The following TMCC2 variants were observed in gnomAD, a reference collection of about 807,000 sequenced individuals.
TMCC2 encodes the protein transmembrane and coiled-coil domains protein 2.
A neutral mutation model predicts 49.4 loss-of-function variants in TMCC2; 16 were observed. The observed-to-expected ratio is 0.32, with a 90% CI of 0.22 to 0.49. The LOEUF (loss-of-function observed/expected upper bound fraction) is 0.49, where lower values mean the gene tolerates loss of function less well. Ranked by LOEUF, TMCC2 falls within the 20% of genes least tolerant of loss-of-function variation. The pLI, the probability that TMCC2 is intolerant of heterozygous loss-of-function variation, is 0.99. For synonymous variants in TMCC2, 397 were observed against 434.1 expected (o/e 0.91, Z 1.06); for missense variants, 762 against 989.8 (o/e 0.77, Z 3.09).
At chr1:205,234,055 T>TA (rs1309339440) in intron 1 of TMCC2, 1 of 152,078 alleles carries the variant, frequency 6.6e-6, no homozygotes, top group Non-Finnish European at 1.5e-5. Context: ...GCCCAGTAGA[T>TA]ATGTTAAGGC....
At chr1:205,255,415 C>T (rs558369392) in intron 2 of TMCC2, among the ~76,000 whole-genome samples, 7 of 152,074 alleles carry the variant, frequency 4.6e-5, no homozygotes, top group Admixed American at 1.3e-4. Context: ...ATTAGCTGGG[C>T]GTGGTGGTGC....
chr1:205,241,911 G>A lies in TMCC2; in HGVS notation c.614G>A (p.Ser205Asn). 1 of 1,609,960 alleles carries A rather than the reference G, an allele frequency of 6.2e-7. No homozygotes were observed. Among genetic ancestry groups the A allele is most frequent in the Non-Finnish European group, 8.5e-7 (1 of 1,179,380 alleles). ...PHLLRKAPQD[S>N]SLAAILHQHQ... is the part of the protein sequence containing the mutation. ...CTGCTGCGCAAGGCCCCCCAGGACA[G>A]CAGCCTGGCCGCCATCCTGCACCAG... The change falls in exon 2 of 5, where the codon AGC becomes AAC. Residue 205 changes from serine to asparagine, a missense_variant. Ser to Asn is a conservative substitution (Grantham distance 46). This residue lies in a region of TMCC2 where 322 missense variants were observed against 353.1 expected (regional missense o/e 0.91). Transcript: ENST00000358024. The surrounding 1 kb of genome is among the most constrained non-coding windows in gnomAD (Gnocchi z 7.3).
chr1:205,269,615 C>T lies in TMCC2; in HGVS notation c.1413C>T (p.Pro471=). The change falls in exon 3 of 5, where the codon CCC becomes CCT. Residue 471 remains proline, a synonymous_variant. Coordinates refer to ENST00000358024, the MANE Select transcript of TMCC2 (RefSeq NM_014858.4). ...GCAGTGCCACACTCGTCTCCAGCCCCAAGTATGGCAGCGATGATGAGTGCT... is the reference window on the plus strand; with the variant it reads ...GCAGTGCCACACTCGTCTCCAGCCCTAAGTATGGCAGCGATGATGAGTGCT... ...LSGSATLVSS[P]KYGSDDECSS... 1 of 1,613,836 alleles carries T rather than the reference C, an allele frequency of 6.2e-7. No homozygotes were observed. Among genetic ancestry groups the T allele is most frequent in the Non-Finnish European group, 8.5e-7 (1 of 1,179,968 alleles).
In TMCC2 at chr1:205,268,132, G is replaced by C. The variant is rs533756800; in HGVS notation, c.748-818G>C. The C allele has an allele frequency of 5.2e-6, 5 of 959,000 alleles. No homozygotes were observed. The South Asian group carries it at 1.4e-4, about 28-fold the overall frequency. The allele number at this position is 959,000 out of a possible 1,614,324, so 59.4% of individuals were successfully genotyped here. A position where few individuals can be genotyped will look rare whatever the true frequency, so the allele number is the denominator to read the frequency against. On this transcript the variant is annotated intron_variant, in intron 2 of 4. Coordinates refer to ENST00000358024, the MANE Select transcript of TMCC2 (RefSeq NM_014858.4). ...TGAGCTGCGTTGTTAGTGAACATGGGGTGGCGAGGGCAGGCAGGCAGGGCA... is the reference window on the plus strand; with the variant it reads ...TGAGCTGCGTTGTTAGTGAACATGGCGTGGCGAGGGCAGGCAGGCAGGGCA...
At chr1:205,246,764 A>G in intron 2 of TMCC2, 1 of 1,462,500 alleles carries the variant, frequency 6.8e-7, no homozygotes. Context: ...GTATGCAGCT[A>G]TTTTATGAGG....
At chr1:205,271,295 G>C in intron 4 of TMCC2, 40 bp downstream of exon 4, 1 of 1,613,672 alleles carries the variant, frequency 6.2e-7, no homozygotes, top group Non-Finnish European at 8.5e-7. Context: ...AGATGTGCTG[G>C]TAGAGCTGGC....
intron 3 of TMCC2, among the ~76,000 whole-genome samples, chr1:205,270,837 TCTC>T (rs1391198913): frequency 5.3e-5 from 8 of 152,148 alleles, no homozygotes; most frequent in African/African-American, 1.4e-4. Flanking sequence ...GCCTCAGTCT[TCTC>T]CTCTGTAAAA....
chr1:205,255,671 C>T (rs111515505), intron 2 of TMCC2, among the ~76,000 whole-genome samples: 1 of 152,194 alleles, frequency 6.6e-6, no homozygotes, highest in South Asian at 2.1e-4. Context: ...TGAGGTAGAT[C>T]ATTTCATTGT....
In TMCC2 at chr1:205,228,586, G is replaced by A; in HGVS notation, c.22G>A (p.Glu8Lys). 6 of 1,611,050 alleles carry A rather than the reference G, an allele frequency of 3.7e-6. No homozygotes were observed. The highest frequency in any genetic ancestry group is 5.1e-6 in the Non-Finnish European group (6 of 1,178,098). The change falls in exon 1 of 5, where the codon GAG becomes AAG. Residue 8 changes from glutamate (E) to lysine (K), a missense_variant. Transcript: ENST00000358024. ...CACCATGAAGAGGTGCAGATCGGACGAGCTGCAGCAACAACAGGGCGAGGA... is the reference window on the plus strand; with the variant it reads ...CACCATGAAGAGGTGCAGATCGGACAAGCTGCAGCAACAACAGGGCGAGGA... MKRCRSDELQQQQGEEDG... is the reference protein window; with the variant it reads MKRCRSDKLQQQQGEEDG...
intron 3 of TMCC2, among the ~76,000 whole-genome samples, chr1:205,270,110 G>T (rs549182687): frequency 6.6e-6 from 1 of 152,092 alleles, no homozygotes; most frequent in Non-Finnish European, 1.5e-5. Context: ...GCAGTGGCAC[G>T]ATCTCAGCTC....
rs533752611 is a variant in TMCC2 at position 205,243,678 on chromosome 1, G to T, written c.747+1634G>T. Among the ~76,000 whole-genome samples, 8 of 152,328 alleles carry T rather than the reference G, an allele frequency of 5.3e-5. No homozygotes were observed. In the South Asian group the frequency reaches 1.7e-3, roughly 32 times the overall value. On this transcript the variant is annotated intron_variant, in intron 2 of 4. Coordinates refer to ENST00000358024, the MANE Select transcript of TMCC2 (RefSeq NM_014858.4). The stretch of plus-strand genomic sequence containing the variant: ...AATCACAGGAGAAGGAGCATGTTTT[G>T]GGGGGAAGGTGATGAGTTCAGTTTT...
chr1:205,251,305 G>A (rs1660661115), intron 2 of TMCC2, among the ~76,000 whole-genome samples: 1 of 152,112 alleles, frequency 6.6e-6, no homozygotes, highest in South Asian at 2.1e-4. Context: ...CAGGCTCTTG[G>A]ACCCCTAGCC....
intron 1 of TMCC2, among the ~76,000 whole-genome samples, chr1:205,237,519 T>G (rs772025369): frequency 2.0e-5 from 3 of 152,230 alleles, no homozygotes; most frequent in Non-Finnish European, 4.4e-5. Flanking sequence ...TAGATTAGTG[T>G]GACTTTAAGC....
At chr1:205,251,288 C>T (rs1660660396) in intron 2 of TMCC2, among the ~76,000 whole-genome samples, 1 of 152,170 alleles carries the variant, frequency 6.6e-6, no homozygotes, top group South Asian at 2.1e-4. Context: ...CCTTCTCTGT[C>T]CAGGGACAGG....
At chr1:205,245,088 GA>G (rs1660406496) in intron 2 of TMCC2, among the ~76,000 whole-genome samples, 1 of 152,168 alleles carries the variant, frequency 6.6e-6, no homozygotes, top group Non-Finnish European at 1.5e-5. Context: ...GGTCAGGAAG[GA>G]GGGCAGCAGG....
chr1:205,228,698 G>C lies in TMCC2; in HGVS notation c.134G>C (p.Gly45Ala), dbSNP rs1398377043. Reference sequence around the variant, plus strand: ...GAGACCACGGGTGCTAACTCTGCTGGCGGGCCAACTTCAGACGCCGGCGCT... The same window carrying C: ...GAGACCACGGGTGCTAACTCTGCTGCCGGGCCAACTTCAGACGCCGGCGCT... ...PGETTGANSA[G>A]GPTSDAGAAA... The change falls in exon 1 of 5, where the codon GGC becomes GCC. Residue 45 changes from glycine (G) to alanine (A), a missense_variant. Coordinates refer to ENST00000358024, the MANE Select transcript of TMCC2 (RefSeq NM_014858.4). The C allele has an allele frequency of 1.2e-6, 2 of 1,612,440 alleles. No individual in the cohort carries two copies. The highest frequency in any genetic ancestry group is 2.7e-5 in the African/African-American group (2 of 75,038).
intron 3 of TMCC2, 122 bp downstream of exon 3, chr1:205,270,006 G>C: frequency 1.1e-6 from 1 of 927,206 alleles, no homozygotes; most frequent in Non-Finnish European, 1.6e-6. Flanking sequence ...CTGGCTGCTG[G>C]AAGGAGCCAG....
chr1:205,272,373 C>CTATA lies in TMCC2; in HGVS notation c.*249_*250insTATA. On this transcript the variant is annotated 3_prime_UTR_variant, in exon 5 of 5. Transcript: ENST00000358024. ...TGTGGCCAAGTGGAGCAGAGGTGGA[C>CTATA]ATGGGGTTGGATTGTTTTGATTATT... is the stretch of plus-strand genomic sequence containing the variant. The CTATA allele has an allele frequency of 1.5e-6, 1 of 654,584 alleles. No individual in the cohort carries two copies. Among genetic ancestry groups the CTATA allele is most frequent in the Non-Finnish European group, 2.5e-6 (1 of 399,316 alleles). The allele number at this position is 654,584 out of a possible 1,614,324, so 40.5% of individuals were successfully genotyped here.
chr1:205,257,673 T>G (rs1308760838), intron 2 of TMCC2, among the ~76,000 whole-genome samples: 1 of 152,092 alleles, frequency 6.6e-6, no homozygotes, highest in Non-Finnish European at 1.5e-5. Context: ...AGGCACCTTA[T>G]TAAGTGGAGG....
Sources: gnomAD v4.1 joint callset for allele counts (sites outside exome capture counted in the v4.1 genomes callset) on GRCh38, gnomAD v4.1.1 for gene constraint, gnomAD v4.1.1 regional missense constraint, Gnocchi (gnomAD v3.1) non-coding constraint, MANE v1.5 for transcripts, NCBI Gene and HGNC (gene_info 2026-07-23, HGNC 2026-07-21) for gene names.